Variants in SLCO5A1 observed in about 807,000 individuals in gnomAD.
SLCO5A1 encodes organic anion transporter polypeptide-related protein 4.
SLCO5A1 carries 39 observed loss-of-function variants against 65.1 expected under a neutral mutation model. The observed-to-expected ratio is 0.60, with a 90% CI of 0.46 to 0.78. The LOEUF (loss-of-function observed/expected upper bound fraction) is 0.78. Ranked by LOEUF, SLCO5A1 falls within the 30% of genes least tolerant of loss-of-function variation. The probability of loss-of-function intolerance (pLI) is 0.00; values close to 1 mark genes in which losing one functional copy is unlikely to be tolerated. For missense variants in SLCO5A1, 1,029 were observed against 1,069.4 expected (o/e 0.96, Z 0.53); for synonymous variants, 438 against 415.7 (o/e 1.05, Z -0.65).
chr8:69,678,762 A>G (rs1813646098), intron 8 of SLCO5A1, among the ~76,000 whole-genome samples: 1 of 151,736 alleles, frequency 6.6e-6, no homozygotes, highest in African/African-American at 2.4e-5. Flanking sequence ...CAAAAAATCC[A>G]AACAAGATAT....
At chr8:69,799,084 ATTCT>A (rs1472479315) in intron 2 of SLCO5A1, among the ~76,000 whole-genome samples, 2 of 152,248 alleles carry the variant, frequency 1.3e-5, no homozygotes, top group Non-Finnish European at 2.9e-5. Context: ...GGTTTAAATA[ATTCT>A]TTAACTTTTG....
intron 2 of SLCO5A1, among the ~76,000 whole-genome samples, chr8:69,784,037 T>C (rs1336657341): frequency 1.3e-5 from 2 of 152,314 alleles, no homozygotes; most frequent in East Asian, 3.9e-4. Context: ...TTTCTCTCAA[T>C]GTTGCTGTGA....
intron 9 of SLCO5A1, among the ~76,000 whole-genome samples, chr8:69,675,873 G>A (rs1813526364): frequency 6.6e-6 from 1 of 152,100 alleles, no homozygotes; most frequent in Non-Finnish European, 1.5e-5. Context: ...CATTATAAAA[G>A]GAAAAATAAG....
intron 2 of SLCO5A1, among the ~76,000 whole-genome samples, chr8:69,765,739 G>T (rs1586774623): frequency 6.6e-6 from 1 of 152,092 alleles, no homozygotes; most frequent in Admixed American, 6.6e-5. Flanking sequence ...AAGATCTAAA[G>T]CCTGTACTCC....
chr8:69,805,806 T>C (rs1020758458), intron 2 of SLCO5A1, among the ~76,000 whole-genome samples: 1 of 152,140 alleles, frequency 6.6e-6, no homozygotes, highest in South Asian at 2.1e-4. Context: ...CATAGCAGCG[T>C]TGGGGAGGCT....
chr8:69,784,436 G>A (rs1024527286), intron 2 of SLCO5A1, among the ~76,000 whole-genome samples: 2 of 152,156 alleles, frequency 1.3e-5, no homozygotes. Flanking sequence ...ATACATCGCT[G>A]GTGGGAATGC....
chr8:69,778,094 A>G (rs1325154638), intron 2 of SLCO5A1, among the ~76,000 whole-genome samples: 2 of 152,138 alleles, frequency 1.3e-5, no homozygotes, highest in Non-Finnish European at 2.9e-5. Context: ...AAACTTTGTT[A>G]TAGGTATGTA....
chr8:69,672,468 ATATCT>A lies in SLCO5A1; in HGVS notation c.*396_*400del. 5.3e-6 allele frequency: 1 copy of A among 190,364 alleles called. No individual in the cohort carries two copies. Among genetic ancestry groups the A allele is most frequent in the South Asian group, 1.2e-4 (1 of 8,068 alleles). The allele number at this position is 190,364 out of a possible 1,614,324, so 11.8% of individuals were successfully genotyped here. A position where few individuals can be genotyped will look rare whatever the true frequency, so the allele number is the denominator to read the frequency against. On this transcript the variant is annotated 3_prime_UTR_variant, in exon 10 of 10. Transcript: ENST00000260126. ...GTAGCAGAACTCACAGTAGGTGTTC[ATATCT>A]AAAAACTTTGATTTGGAAATGCCAA...
intron 5 of SLCO5A1, among the ~76,000 whole-genome samples, chr8:69,722,190 A>G (rs1001153668): frequency 6.6e-6 from 1 of 152,152 alleles, no homozygotes; most frequent in African/African-American, 2.4e-5. Flanking sequence ...AAACAAATAA[A>G]TAAAATAAAA....
chr8:69,744,560 A>G (rs1259573219), intron 4 of SLCO5A1, among the ~76,000 whole-genome samples: 2 of 152,166 alleles, frequency 1.3e-5, no homozygotes, highest in Admixed American at 6.5e-5. Flanking sequence ...AGGTAGCTGC[A>G]TGTGTTTACC....
At chr8:69,704,839 A>C (rs944988010) in intron 6 of SLCO5A1, 192 bp downstream of exon 6, 1 of 589,782 alleles carries the variant, frequency 1.7e-6, no homozygotes, top group African/African-American at 1.9e-5. Flanking sequence ...CAGAAGGGGC[A>C]CAGAGGAAGA....
In SLCO5A1 at chr8:69,784,793, A is replaced by G. The variant is rs556678609; in HGVS notation, c.908-22918T>C. Among the ~76,000 whole-genome samples the G allele has an allele frequency of 3.9e-3, 478 of 123,630 alleles. 3 individuals carry two copies. The highest frequency in any genetic ancestry group is 0.014 in the African/African-American group (451 of 31,608). 81.1% of individuals were successfully genotyped at this position (123,630 alleles called of 152,430 possible). A position where few individuals can be genotyped will look rare whatever the true frequency, so the allele number is the denominator to read the frequency against. On this transcript the variant is annotated intron_variant, in intron 2 of 9. Transcript: ENST00000260126. ...ACAGAGCAAGACTCTGTCTGAAAAA[A>G]AAAGAAAGAAAGAAAGAAAAAGAAA...
chr8:69,770,499 A>T (rs1818274266), intron 2 of SLCO5A1, among the ~76,000 whole-genome samples: 2 of 152,012 alleles, frequency 1.3e-5, no homozygotes, highest in African/African-American at 4.8e-5. Flanking sequence ...AAAGATTGCG[A>T]CACCCACCCA....
intron 5 of SLCO5A1, among the ~76,000 whole-genome samples, chr8:69,705,540 T>C (rs1327959603): frequency 6.6e-6 from 1 of 152,002 alleles, no homozygotes; most frequent in Non-Finnish European, 1.5e-5. Flanking sequence ...AATAAACACG[T>C]GAAAGGGGGT....
chr8:69,673,936 T>A (rs373191682), intron 9 of SLCO5A1, among the ~76,000 whole-genome samples: 1 of 152,218 alleles, frequency 6.6e-6, no homozygotes, highest in Non-Finnish European at 1.5e-5. Flanking sequence ...TCTTTGAAGT[T>A]TGTGAAACAT....
At chr8:69,824,346 T>C (rs1820777150) in intron 2 of SLCO5A1, among the ~76,000 whole-genome samples, 1 of 152,156 alleles carries the variant, frequency 6.6e-6, no homozygotes. Context: ...GAGCTGGTTT[T>C]TTGAACAGAT....
At chr8:69,707,111 C>A (rs113757987) in intron 5 of SLCO5A1, among the ~76,000 whole-genome samples, 4 of 152,114 alleles carry the variant, frequency 2.6e-5, no homozygotes, top group African/African-American at 9.7e-5. Context: ...AAGATCGTGC[C>A]GCTGCACTCC....
At chr8:69,684,847 A>G (rs542623153) in intron 6 of SLCO5A1, among the ~76,000 whole-genome samples, 38 of 152,280 alleles carry the variant, frequency 2.5e-4, no homozygotes, top group African/African-American at 8.7e-4. Flanking sequence ...CTGCATCACT[A>G]CAATGCACAG....
intron 2 of SLCO5A1, among the ~76,000 whole-genome samples, chr8:69,815,851 G>A: frequency 6.6e-6 from 1 of 152,000 alleles, no homozygotes; most frequent in East Asian, 1.9e-4. Flanking sequence ...ATAATCCACT[G>A]GAGCACACCA....
Sources: gnomAD v4.1 joint callset for allele counts (sites outside exome capture counted in the v4.1 genomes callset) on GRCh38, gnomAD v4.1.1 for gene constraint, MANE v1.5 for transcripts, NCBI Gene and HGNC (gene_info 2026-07-23, HGNC 2026-07-21) for gene names.